Variants in UBE2W observed in about 807,000 individuals in gnomAD.
UBE2W encodes ubiquitin-conjugating enzyme E2 W.
In UBE2W, 18 loss-of-function variants were observed where a neutral mutation model predicts 27.2. That is an observed-to-expected ratio of 0.66 (90% CI 0.46 to 0.98). The LOEUF is 0.98. Among genes scored for constraint, UBE2W ranks in the 50% least tolerant of loss-of-function variants. The probability of loss-of-function intolerance (pLI) is 0.00; values close to 1 mark genes in which losing one functional copy is unlikely to be tolerated. For synonymous variants in UBE2W, 53 were observed against 57.2 expected, an observed-to-expected ratio of 0.93 and a Z score of 0.33; for missense variants, 90 against 180.2, an observed-to-expected ratio of 0.50 and a Z score of 2.87.
chr8:73,834,195 A>G (rs922617323), intron 1 of UBE2W, among the ~76,000 whole-genome samples: 2 of 152,224 alleles, frequency 1.3e-5, no homozygotes, highest in Non-Finnish European at 2.9e-5. Context: ...TATGTCACTT[A>G]AAATAAGCTT....
intron 1 of UBE2W, among the ~76,000 whole-genome samples, chr8:73,872,841 T>C (rs940016381): frequency 3.9e-5 from 6 of 152,072 alleles, no homozygotes; most frequent in Non-Finnish European, 8.8e-5. Context: ...TATACTTGTG[T>C]ACTGAGTAAA....
intron 1 of UBE2W, chr8:73,831,619 G>T (rs11785199): frequency 0.68 from 103,881 of 151,942 alleles, 37,895 homozygotes; most frequent in East Asian, 0.93. Flanking sequence ...CACAATCCTA[G>T]CTCACTGCAG....
downstream of UBE2W, among the ~76,000 whole-genome samples, chr8:73,783,318 T>C (rs1807875564): frequency 6.6e-6 from 1 of 152,208 alleles, no homozygotes; most frequent in Admixed American, 6.5e-5. Flanking sequence ...TTTCTCCTTT[T>C]TGAAGTTTTA....
intron 2 of UBE2W, among the ~76,000 whole-genome samples, chr8:73,825,681 A>G (rs1239060966): frequency 6.6e-6 from 1 of 152,062 alleles, no homozygotes; most frequent in Non-Finnish European, 1.5e-5. Flanking sequence ...TGCACCTGTA[A>G]TCCCAGCTAC....
At chr8:73,816,625 T>C (rs897867963) in intron 3 of UBE2W, among the ~76,000 whole-genome samples, 1 of 152,200 alleles carries the variant, frequency 6.6e-6, no homozygotes, top group Non-Finnish European at 1.5e-5. Context: ...TCAGCACCAC[T>C]CTTAGCAACA....
intron 3 of UBE2W, among the ~76,000 whole-genome samples, chr8:73,815,658 C>G (rs1488017758): frequency 6.6e-6 from 1 of 152,032 alleles, no homozygotes; most frequent in Non-Finnish European, 1.5e-5. Flanking sequence ...GAGATCTTAC[C>G]ACGAAGGAGG....
intron 5 of UBE2W, among the ~76,000 whole-genome samples, chr8:73,802,850 C>T (rs899529428): frequency 6.6e-6 from 1 of 152,006 alleles, no homozygotes; most frequent in Admixed American, 6.6e-5. Flanking sequence ...AGTGAAACCC[C>T]GTCTCTACTA....
chr8:73,853,232 T>C (rs1811151670), intron 1 of UBE2W, among the ~76,000 whole-genome samples: 1 of 152,214 alleles, frequency 6.6e-6, no homozygotes, highest in Admixed American at 6.5e-5. Flanking sequence ...TTCTGTTGTT[T>C]ATAATTACTC....
At chr8:73,806,079 C>T (rs531608016) in intron 4 of UBE2W, among the ~76,000 whole-genome samples, 40 of 151,890 alleles carry the variant, frequency 2.6e-4, no homozygotes, top group Non-Finnish European at 4.4e-4. Context: ...TGATTGAACC[C>T]GGGAGGCAGA....
At chr8:73,829,307 G>A (rs955680722) in intron 2 of UBE2W, among the ~76,000 whole-genome samples, 2 of 151,878 alleles carry the variant, frequency 1.3e-5, no homozygotes, top group Non-Finnish European at 2.9e-5. Flanking sequence ...AGAACTATAG[G>A]GACAGCTGTT....
intron 1 of UBE2W, among the ~76,000 whole-genome samples, chr8:73,851,819 G>C (rs1026363778): frequency 2.6e-5 from 4 of 152,212 alleles, no homozygotes; most frequent in Admixed American, 2.6e-4. Context: ...GCTGACCCCA[G>C]AGTATTAGTC....
intron 1 of UBE2W, among the ~76,000 whole-genome samples, chr8:73,835,546 C>G (rs929694030): frequency 6.6e-6 from 1 of 152,126 alleles, no homozygotes; most frequent in Non-Finnish European, 1.5e-5. Flanking sequence ...AATTCGGGAC[C>G]AGCCTGACTA....
At position 73,810,620 on chromosome 8, in the gene UBE2W, T is replaced by C. The variant is rs1385338630; in HGVS notation, c.220A>G (p.Thr74Ala). The C allele has an allele frequency of 1.9e-6, 3 of 1,599,832 alleles. No individual in the cohort carries two copies. Among genetic ancestry groups the C allele is most frequent in the African/African-American group, 1.3e-5 (1 of 74,078 alleles). The change falls in exon 4 of 6, where the codon ACT becomes GCT. Residue 74 changes from threonine (T) to alanine (A), a missense_variant. Thr to Ala is a moderately conservative substitution (Grantham distance 58). Coordinates refer to ENST00000602593, the MANE Select transcript of UBE2W (RefSeq NM_018299.6). Reference sequence around the variant, plus strand: ...GGATGAACAGGAATATTTTCACCAGTAAACATGACCTAAGAGAGAATAAAA... The same window carrying C: ...GGATGAACAGGAATATTTTCACCAGCAAACATGACCTAAGAGAGAATAAAA... ...YPFDSPQVMF[T>A]GENIPVHPHV...
At chr8:73,815,864 TTATTA>T (rs372835614) in intron 3 of UBE2W, among the ~76,000 whole-genome samples, 11 of 152,346 alleles carry the variant, frequency 7.2e-5, no homozygotes, top group African/African-American at 2.6e-4. Flanking sequence ...CTGATTACAA[TTATTA>T]TAAGATAGTA....
chr8:73,795,717 T>C (rs1306630064), intron 5 of UBE2W: 2 of 863,792 alleles, frequency 2.3e-6, no homozygotes, highest in South Asian at 5.3e-5. Context: ...CCCTAATTCA[T>C]TAGACGCCTT....
chr8:73,794,203 A>G (rs1273623913), intron 5 of UBE2W, 88 bp from the exon 6 acceptor site: 3 of 1,492,784 alleles, frequency 2.0e-6, no homozygotes, highest in Non-Finnish European at 2.7e-6. Flanking sequence ...AATAATTTCA[A>G]TTAGCAAGAA....
intron 4 of UBE2W, among the ~76,000 whole-genome samples, chr8:73,809,287 T>C (rs1809052216): frequency 6.6e-6 from 1 of 152,212 alleles, no homozygotes; most frequent in Admixed American, 6.5e-5. Flanking sequence ...AACTATTATC[T>C]TAAAAGTTCT....
At position 73,805,644 on chromosome 8, in the gene UBE2W, T is replaced by C. The variant is rs755334429; in HGVS notation, c.442+7A>G. The C allele has an allele frequency of 6.7e-7, 1 of 1,495,916 alleles. No individual in the cohort carries two copies. The highest frequency in any genetic ancestry group is 9.0e-7 in the Non-Finnish European group (1 of 1,112,946). 92.7% of individuals were successfully genotyped at this position (1,495,916 alleles called of 1,614,324 possible). A position where few individuals can be genotyped will look rare whatever the true frequency, so the allele number is the denominator to read the frequency against. On this transcript the variant is annotated splice_region_variant and intron_variant, in intron 5 of 5. Coordinates refer to ENST00000602593, the MANE Select transcript of UBE2W (RefSeq NM_018299.6). The stretch of plus-strand genomic sequence containing the variant: ...CTAAAAAGTTATTACAAATTCAAAC[T>C]GCTTACCATGATACCACCATTTTGT...
intron 4 of UBE2W, among the ~76,000 whole-genome samples, chr8:73,806,413 C>T (rs1372638701): frequency 6.7e-5 from 10 of 148,858 alleles, no homozygotes; most frequent in Non-Finnish European, 1.5e-4. Context: ...AATAATAAAA[C>T]AAAGGGCCAG....
Sources: gnomAD v4.1 joint callset for allele counts (sites outside exome capture counted in the v4.1 genomes callset) on GRCh38, gnomAD v4.1.1 for gene constraint, MANE v1.5 for transcripts, NCBI Gene and HGNC (gene_info 2026-07-23, HGNC 2026-07-21) for gene names.